Variants in TTC1 observed in about 807,000 individuals in gnomAD.
The protein encoded by TTC1 is tetratricopeptide repeat domain 1.
A neutral mutation model predicts 37.6 loss-of-function variants in TTC1; 31 were observed. The ratio of observed to expected loss-of-function variants is 0.82; its 90% CI spans 0.62 to 1.11. TTC1 has a LOEUF of 1.11. Among genes scored for constraint, TTC1 ranks in the 50% most tolerant of loss-of-function variants. The probability of loss-of-function intolerance (pLI) is 0.00; values close to 1 mark genes in which losing one functional copy is unlikely to be tolerated. For missense variants in TTC1, 351 were observed against 339.0 expected, an observed-to-expected ratio of 1.04 and a Z score of -0.28; for synonymous variants, 127 against 122.4, an observed-to-expected ratio of 1.04 and a Z score of -0.25.
rs1753567325 is a variant in TTC1 at position 160,065,128 on chromosome 5, G to A, written c.*63G>A. ...GTGTGCTGCTTGCTGTTAGCTAGGG[G>A]AAAGGCCCTGCCAATGTTTAACTTT... On this transcript the variant is annotated 3_prime_UTR_variant, in exon 8 of 8. Transcript: ENST00000231238. 6 of 1,578,670 alleles carry A rather than the reference G, an allele frequency of 3.8e-6. No homozygotes were observed. Among genetic ancestry groups the A allele is most frequent in the African/African-American group, 1.4e-5 (1 of 73,566 alleles).
At chr5:160,015,583 C>T (rs1190928549) in intron 2 of TTC1, among the ~76,000 whole-genome samples, 1 of 152,206 alleles carries the variant, frequency 6.6e-6, no homozygotes, top group East Asian at 1.9e-4. Context: ...GGGTAGCACC[C>T]AGAGAGGGCG....
intron 2 of TTC1, among the ~76,000 whole-genome samples, chr5:160,020,158 A>T (rs965794172): frequency 2.6e-5 from 4 of 152,020 alleles, no homozygotes; most frequent in Non-Finnish European, 4.4e-5. Flanking sequence ...CGAACTCCTG[A>T]CCTCAAGTGA....
intron 2 of TTC1, among the ~76,000 whole-genome samples, chr5:160,013,398 T>TA (rs577522562): frequency 0.015 from 2,096 of 143,046 alleles, 30 homozygotes; most frequent in African/African-American, 0.032. Flanking sequence ...CAACAATGAC[T>TA]AAAAAAAAAA....
At chr5:160,055,208 G>A (rs942204853) in intron 7 of TTC1, among the ~76,000 whole-genome samples, 1 of 152,144 alleles carries the variant, frequency 6.6e-6, no homozygotes, top group African/African-American at 2.4e-5. Context: ...TGCTGGCCCA[G>A]CCAAGAAGTC....
chr5:160,065,048 C>G lies in TTC1; in HGVS notation c.862C>G (p.Pro288Ala). The change falls in exon 8 of 8, where the codon CCA (proline) becomes GCA (alanine). Residue 288 changes from proline (P) to alanine (A), a missense_variant. Physicochemically the swap from Pro to Ala is conservative, Grantham distance 27 (BLOSUM62 -1). Coordinates refer to ENST00000231238, the MANE Select transcript of TTC1 (RefSeq NM_003314.3). ...GSYSINFVQN[P>A]NNNR The stretch of plus-strand genomic sequence containing the variant: ...GTACTCCATCAATTTCGTTCAAAAT[C>G]CAAATAATAACAGATAACAAAGATA... 6.2e-7 allele frequency: 1 copy of G among 1,611,510 alleles called. No individual in the cohort carries two copies. The highest frequency in any genetic ancestry group is 8.5e-7 in the Non-Finnish European group (1 of 1,179,544).
In TTC1 at chr5:160,065,184, C is replaced by T; in HGVS notation, c.*119C>T. 7.8e-7 allele frequency: 1 copy of T among 1,283,082 alleles called. No individual in the cohort carries two copies. Among genetic ancestry groups the T allele is most frequent in the Non-Finnish European group, 1.1e-6 (1 of 919,718 alleles). 79.5% of individuals were successfully genotyped at this position (1,283,082 alleles called of 1,614,324 possible). On this transcript the variant is annotated 3_prime_UTR_variant, in exon 8 of 8. Transcript: ENST00000231238. Reference sequence around the variant, plus strand: ...GCATCTTATCTAAAAGAAAGGCTATCCAGTAGAGCCCAGTGCTCCCTTGTC... The same window carrying T: ...GCATCTTATCTAAAAGAAAGGCTATTCAGTAGAGCCCAGTGCTCCCTTGTC...
At chr5:160,044,001 C>G (rs976500362) in intron 5 of TTC1, among the ~76,000 whole-genome samples, 1 of 152,152 alleles carries the variant, frequency 6.6e-6, no homozygotes, top group African/African-American at 2.4e-5. Context: ...CAAAAATTGC[C>G]TGATAGGCCA....
At position 160,043,189 on chromosome 5, in the gene TTC1, T is replaced by C; in HGVS notation, c.541+20T>C. On this transcript the variant is annotated intron_variant, in intron 5 of 7. Transcript: ENST00000231238. ...GCAAAGGTACAGCTTTATTATCTTATTACATGTTAACATACAGGAGCATTA... is the reference window on the plus strand; with the variant it reads ...GCAAAGGTACAGCTTTATTATCTTACTACATGTTAACATACAGGAGCATTA... 6.2e-7 allele frequency: 1 copy of C among 1,613,180 alleles called. No individual in the cohort carries two copies. The highest frequency in any genetic ancestry group is 1.1e-5 in the South Asian group (1 of 90,746).
chr5:160,035,029 CAA>C, intron 2 of TTC1, 109 bp from the exon 3 acceptor site: 1 of 888,416 alleles, frequency 1.1e-6, no homozygotes. Context: ...ATGCAGTTCT[CAA>C]AAGTCAGACT....
chr5:160,065,109 T>C lies in TTC1; in HGVS notation c.*44T>C. 3 of 1,593,420 alleles carry C rather than the reference T, an allele frequency of 1.9e-6. No homozygotes were observed. Among genetic ancestry groups the C allele is most frequent in the Non-Finnish European group, 2.6e-6 (3 of 1,173,826 alleles). ...TACAAGCTGACTTGGAATTGTGTGCTGCTTGCTGTTAGCTAGGGGAAAGGC... is the reference window on the plus strand; with the variant it reads ...TACAAGCTGACTTGGAATTGTGTGCCGCTTGCTGTTAGCTAGGGGAAAGGC... On this transcript the variant is annotated 3_prime_UTR_variant, in exon 8 of 8. Transcript: ENST00000231238.
At chr5:160,016,263 A>G (rs1016999298) in intron 2 of TTC1, among the ~76,000 whole-genome samples, 1 of 152,184 alleles carries the variant, frequency 6.6e-6, no homozygotes, top group African/African-American at 2.4e-5. Context: ...CTATAGTCCC[A>G]GCTACTTAGA....
intron 5 of TTC1, among the ~76,000 whole-genome samples, chr5:160,045,094 A>G (rs1757180490): frequency 6.6e-6 from 1 of 152,186 alleles, no homozygotes; most frequent in African/African-American, 2.4e-5. Flanking sequence ...GGGTTTGGGA[A>G]GTTTAAATTA....
In TTC1 at chr5:160,035,016, C is replaced by G. The variant is rs549072002; in HGVS notation, c.331-124C>G. ...ATCACTGTACAAGGTTTTGGTGAAA[C>G]TGATGCAGTTCTCAAAAGTCAGACT... On this transcript the variant is annotated intron_variant, in intron 2 of 7. Transcript: ENST00000231238. 41 of 697,888 alleles carry G rather than the reference C, an allele frequency of 5.9e-5. No individual in the cohort carries two copies. In the East Asian group the frequency reaches 8.3e-4, roughly 14 times the overall value. The allele number at this position is 697,888 out of a possible 1,614,324, so 43.2% of individuals were successfully genotyped here.
At chr5:160,024,078 G>A (rs909888629) in intron 2 of TTC1, 1 of 968,810 alleles carries the variant, frequency 1.0e-6, no homozygotes, top group Non-Finnish European at 1.7e-6. Context: ...TAAGTGTGGG[G>A]GGATGGGCAA....
intron 2 of TTC1, among the ~76,000 whole-genome samples, chr5:160,034,052 G>C (rs1047503523): frequency 6.6e-6 from 1 of 151,814 alleles, no homozygotes; most frequent in Non-Finnish European, 1.5e-5. Flanking sequence ...AGAGTTCAAG[G>C]TTATAGTGTG....
chr5:160,014,882 A>G (rs1756574295), intron 2 of TTC1, among the ~76,000 whole-genome samples: 1 of 152,192 alleles, frequency 6.6e-6, no homozygotes. Flanking sequence ...GGAAAGCTAG[A>G]CAATGTTAAA....
At position 160,057,973 on chromosome 5, in the gene TTC1, G is replaced by A. The variant is rs929254295; in HGVS notation, c.745+6790G>A. ...GTAGAGATGGGTTTTCACCATGTTG[G>A]CCAGGCTGGTCTCGAACTCCTGAAC... is the stretch of plus-strand genomic sequence containing the variant. On this transcript the variant is annotated intron_variant, in intron 7 of 7. Transcript: ENST00000231238. The surrounding 1 kb of genome is among the most constrained non-coding windows in gnomAD (Gnocchi z 4.4). 1.3e-5 allele frequency among the ~76,000 whole-genome samples: 2 copies of A among 152,156 alleles called. No individual in the cohort carries two copies. Among genetic ancestry groups the A allele is most frequent in the South Asian group, 4.1e-4 (2 of 4,834 alleles).
At chr5:160,017,730 A>G (rs1756632292) in intron 2 of TTC1, among the ~76,000 whole-genome samples, 1 of 152,232 alleles carries the variant, frequency 6.6e-6, no homozygotes, top group Non-Finnish European at 1.5e-5. Context: ...GACCACTGTC[A>G]CAGGTTTTGC....
intron 5 of TTC1, 59 bp downstream of exon 5, chr5:160,043,228 G>A: frequency 6.3e-7 from 1 of 1,597,362 alleles, no homozygotes; most frequent in Non-Finnish European, 8.6e-7. Context: ...CAGACAGAGG[G>A]GCTTTGGGTC....
Sources: gnomAD v4.1 joint callset for allele counts (sites outside exome capture counted in the v4.1 genomes callset) on GRCh38, gnomAD v4.1.1 for gene constraint, Gnocchi (gnomAD v3.1) non-coding constraint, MANE v1.5 for transcripts, NCBI Gene and HGNC (gene_info 2026-07-23, HGNC 2026-07-21) for gene names.